The following KIAA1958 variants were observed in gnomAD, a reference collection of about 807,000 sequenced individuals.
KIAA1958 encodes uncharacterized protein KIAA1958.
A neutral mutation model predicts 47.2 loss-of-function variants in KIAA1958; 14 were observed. That is an observed-to-expected ratio of 0.30 (90% CI 0.20 to 0.46). The LOEUF is 0.46. Ranked by LOEUF, KIAA1958 falls within the 20% of genes least tolerant of loss-of-function variation. The pLI is 1.00. For missense variants in KIAA1958, 803 were observed against 909.2 expected (o/e 0.88, Z 1.50); for synonymous variants, 354 against 353.3 (o/e 1.00, Z -0.02).
At chr9:112,515,881 TA>T (rs1359427942) in intron 1 of KIAA1958, among the ~76,000 whole-genome samples, 2 of 20,914 alleles carry the variant, frequency 9.6e-5, no homozygotes, top group Non-Finnish European at 1.8e-4. Flanking sequence ...GAATTATCAA[TA>T]AAAAAATAAA....
intron 2 of KIAA1958, among the ~76,000 whole-genome samples, chr9:112,576,045 A>G (rs1835639670): frequency 6.6e-6 from 1 of 152,218 alleles, no homozygotes; most frequent in African/African-American, 2.4e-5. Context: ...ATGTGCAGAA[A>G]TCTGTGGCAT....
In KIAA1958 at chr9:112,659,512, T is replaced by A; in HGVS notation, c.1594T>A (p.Tyr532Asn). Reference sequence around the variant, plus strand: ...GGGCGCGCGTTCTCGCAACATCGTCTACTTCTCCCTTTCTGACGAGGAGGA... The same window carrying A: ...GGGCGCGCGTTCTCGCAACATCGTCAACTTCTCCCTTTCTGACGAGGAGGA... ...MSGARSRNIV[Y>N]FSLSDEEEMW... The change falls in exon 4 of 4, where the codon TAC (tyrosine) becomes AAC (asparagine). Residue 532 changes from tyrosine to asparagine, a missense_variant. This residue lies in a region of KIAA1958 where 761 missense variants were observed against 829.3 expected (regional missense o/e 0.92). Coordinates refer to ENST00000337530, the MANE Select transcript of KIAA1958 (RefSeq NM_133465.4). 5 of 1,613,576 alleles carry A rather than the reference T, an allele frequency of 3.1e-6. No individual in the cohort carries two copies. Among genetic ancestry groups the A allele is most frequent in the Non-Finnish European group, 4.2e-6 (5 of 1,179,724 alleles).
At position 112,669,152 on chromosome 9, in the gene KIAA1958, G is replaced by C. The variant is rs556992194; in HGVS notation, c.*9083G>C. The C allele has an allele frequency of 6.6e-6, 1 of 152,216 alleles. No homozygotes were observed. The highest frequency in any genetic ancestry group is 1.5e-5 in the Non-Finnish European group (1 of 68,052). The allele number at this position is 152,216 out of a possible 1,614,324, so 9.4% of individuals were successfully genotyped here. ...CCTGTGCATACATCCCTGTGCATGTGGGGGCACATGAGTGGGAAAGTGGGT... is the reference window on the plus strand; with the variant it reads ...CCTGTGCATACATCCCTGTGCATGTCGGGGCACATGAGTGGGAAAGTGGGT... On this transcript the variant is annotated 3_prime_UTR_variant, in exon 4 of 4. Coordinates refer to ENST00000337530, the MANE Select transcript of KIAA1958 (RefSeq NM_133465.4).
intron 1 of KIAA1958, among the ~76,000 whole-genome samples, chr9:112,557,355 A>G (rs1164185790): frequency 2.0e-5 from 3 of 152,180 alleles, no homozygotes; most frequent in Non-Finnish European, 4.4e-5. Flanking sequence ...GCCTGCATTC[A>G]GGACTTAGAG....
At chr9:112,578,005 C>T (rs1482246270) in intron 2 of KIAA1958, among the ~76,000 whole-genome samples, 2 of 151,828 alleles carry the variant, frequency 1.3e-5, no homozygotes, top group Non-Finnish European at 2.9e-5. Context: ...CTGGTCATGA[C>T]GATTTTCCAA....
intron 1 of KIAA1958, among the ~76,000 whole-genome samples, chr9:112,537,531 C>G (rs909558819): frequency 4.6e-5 from 7 of 152,076 alleles, no homozygotes; most frequent in African/African-American, 1.4e-4. Context: ...ATCTAATTGA[C>G]CAGTAAGATG....
rs1837346656 is a variant in KIAA1958, at chr9:112,665,955, CTG to C, written c.*5888_*5889del. On this transcript the variant is annotated 3_prime_UTR_variant, in exon 4 of 4. Transcript: ENST00000337530. ...ATTTTGGTCAGAGGATTTTTATAAT[CTG>C]TAGGCTATAGCACTGTCATAGAAAA... The C allele has an allele frequency of 6.6e-6, 1 of 151,876 alleles. No homozygotes were observed. Among genetic ancestry groups the C allele is most frequent in the South Asian group, 2.1e-4 (1 of 4,824 alleles). 9.4% of individuals were successfully genotyped at this position (151,876 alleles called of 1,614,324 possible).
At chr9:112,552,823 A>C (rs1415203046) in intron 1 of KIAA1958, among the ~76,000 whole-genome samples, 1 of 152,170 alleles carries the variant, frequency 6.6e-6, no homozygotes, top group Admixed American at 6.5e-5. Context: ...GTTGGCATGC[A>C]GCTGTGTACA....
At chr9:112,520,658 A>G (rs1409073345) in intron 1 of KIAA1958, among the ~76,000 whole-genome samples, 2 of 152,264 alleles carry the variant, frequency 1.3e-5, no homozygotes, top group African/African-American at 2.4e-5. Context: ...AAGTGATTCT[A>G]AAAGAGGAAA....
intron 2 of KIAA1958, among the ~76,000 whole-genome samples, chr9:112,587,986 A>G (rs1233968508): frequency 6.6e-6 from 1 of 152,238 alleles, no homozygotes; most frequent in African/African-American, 2.4e-5. Flanking sequence ...ACAATTAAGC[A>G]GTAGAAGAAG....
chr9:112,560,755 C>T (rs1352921045), intron 1 of KIAA1958, among the ~76,000 whole-genome samples: 1 of 152,076 alleles, frequency 6.6e-6, no homozygotes, highest in Non-Finnish European at 1.5e-5. Context: ...TAGATCATGG[C>T]ATCTATTATC....
chr9:112,575,113 C>T lies in KIAA1958; in HGVS notation c.1033C>T (p.His345Tyr). 1 of 1,608,602 alleles carries T rather than the reference C, an allele frequency of 6.2e-7. No individual in the cohort carries two copies. The highest frequency in any genetic ancestry group is 8.5e-7 in the Non-Finnish European group (1 of 1,179,974). Reference sequence around the variant, plus strand: ...AGTTGCCTCTGAAGAGTTCCTGTCCCATCTGCCCAGCCAGGTCTCCTCCTG... The same window carrying T: ...AGTTGCCTCTGAAGAGTTCCTGTCCTATCTGCCCAGCCAGGTCTCCTCCTG... ...EQVASEEFLS[H>Y]LPSQVSSCEV... Residue 345 changes from histidine (H) to tyrosine (Y), a missense_variant, in exon 2 of 4, where the codon CAT (histidine) becomes TAT (tyrosine). Around this residue, in one of 2 missense-constraint regions of KIAA1958, gnomAD observed 761 missense variants for 829.3 expected, o/e 0.92. Coordinates refer to ENST00000337530, the MANE Select transcript of KIAA1958 (RefSeq NM_133465.4).
At position 112,663,649 on chromosome 9, in the gene KIAA1958, G is replaced by GT. The variant is rs1485125120; in HGVS notation, c.*3585dup. Reference sequence around the variant, plus strand: ...AAGCCTTATGGGGCTTTATGAGAAGGTTTTTCCATTGTTTAGTGTGTTTGC... The same window carrying GT: ...AAGCCTTATGGGGCTTTATGAGAAGGTTTTTTCCATTGTTTAGTGTGTTTGC... On this transcript the variant is annotated 3_prime_UTR_variant, in exon 4 of 4. Transcript: ENST00000337530. 6.6e-6 allele frequency: 1 copy of GT among 152,110 alleles called. No individual in the cohort carries two copies. Among genetic ancestry groups the GT allele is most frequent in the East Asian group, 1.9e-4 (1 of 5,194 alleles). 9.4% of individuals were successfully genotyped at this position (152,110 alleles called of 1,614,324 possible).
chr9:112,603,509 A>G (rs1836171763), intron 2 of KIAA1958, among the ~76,000 whole-genome samples: 1 of 152,036 alleles, frequency 6.6e-6, no homozygotes, highest in African/African-American at 2.4e-5. Flanking sequence ...AAACCAACCC[A>G]AGTCCCACCC....
intron 1 of KIAA1958, among the ~76,000 whole-genome samples, chr9:112,520,766 A>G (rs1834525599): frequency 6.6e-6 from 1 of 152,216 alleles, no homozygotes; most frequent in Non-Finnish European, 1.5e-5. Context: ...TGGAAGCTAG[A>G]AATACTGATG....
chr9:112,571,013 C>T (rs1835524258), intron 1 of KIAA1958, among the ~76,000 whole-genome samples: 1 of 152,226 alleles, frequency 6.6e-6, no homozygotes, highest in Non-Finnish European at 1.5e-5. Context: ...CCTATGCTAG[C>T]TCTCAGAGAG....
chr9:112,533,000 T>G (rs1834777617), intron 1 of KIAA1958, among the ~76,000 whole-genome samples: 1 of 152,162 alleles, frequency 6.6e-6, no homozygotes, highest in African/African-American at 2.4e-5. Flanking sequence ...GATACCTGAT[T>G]ATAAAATATT....
At chr9:112,489,032 G>C (rs1385842074) in intron 1 of KIAA1958, among the ~76,000 whole-genome samples, 1 of 152,182 alleles carries the variant, frequency 6.6e-6, no homozygotes, top group Non-Finnish European at 1.5e-5. Flanking sequence ...TTAGGTAAAT[G>C]AATTTAAATT....
chr9:112,563,336 A>G (rs1158006104), intron 1 of KIAA1958, among the ~76,000 whole-genome samples: 1 of 152,050 alleles, frequency 6.6e-6, no homozygotes, highest in Non-Finnish European at 1.5e-5. Context: ...AAACCTAATG[A>G]TTTTGACTCT....
Sources: gnomAD v4.1 joint callset for allele counts (sites outside exome capture counted in the v4.1 genomes callset) on GRCh38, gnomAD v4.1.1 for gene constraint, gnomAD v4.1.1 regional missense constraint, MANE v1.5 for transcripts, NCBI Gene and HGNC (gene_info 2026-07-23, HGNC 2026-07-21) for gene names.